The following IL22RA2 variants were observed in gnomAD, a reference collection of about 807,000 sequenced individuals.
The protein encoded by IL22RA2 is interleukin-22 receptor subunit alpha-2.
In IL22RA2, 39 loss-of-function variants were observed where a neutral mutation model predicts 30.7. That is an observed-to-expected ratio of 1.27 (90% CI 0.98 to 1.66). The LOEUF (loss-of-function observed/expected upper bound fraction) is 1.66, where lower values mean the gene tolerates loss of function less well. Ranked by LOEUF, IL22RA2 falls within the 40% of genes most tolerant of loss-of-function variation. IL22RA2 has a pLI of 0.00. For missense variants in IL22RA2, 315 were observed against 312.7 expected (o/e 1.01, Z -0.05); for synonymous variants, 103 against 105.0 (o/e 0.98, Z 0.11).
chr6:137,159,466 G>GC (rs915312320), intron 2 of IL22RA2, among the ~76,000 whole-genome samples: 2 of 152,022 alleles, frequency 1.3e-5, no homozygotes, highest in African/African-American at 4.8e-5. Flanking sequence ...GATTACAGGT[G>GC]CCCGCCACCA....
intron 4 of IL22RA2, 67 bp from the exon 5 acceptor site, chr6:137,155,186 G>T: frequency 8.2e-7 from 1 of 1,217,372 alleles, no homozygotes; most frequent in Non-Finnish European, 1.1e-6. Flanking sequence ...AGTATTTTCA[G>T]ACTAATAATT....
At chr6:137,147,083 C>T (rs1778194035) in intron 6 of IL22RA2, among the ~76,000 whole-genome samples, 1 of 147,402 alleles carries the variant, frequency 6.8e-6, no homozygotes, top group Non-Finnish European at 1.5e-5. Flanking sequence ...GGGGAGGTGG[C>T]TTATGCCTGC....
chr6:137,157,036 G>A (rs1412000680), intron 3 of IL22RA2, among the ~76,000 whole-genome samples, 182 bp from the exon 4 acceptor site: 1 of 152,040 alleles, frequency 6.6e-6, no homozygotes, highest in East Asian at 1.9e-4. Flanking sequence ...CCATCCCCAT[G>A]ACCCAAACAC....
chr6:137,156,909 CAT>C, intron 3 of IL22RA2, 55 bp from the exon 4 acceptor site: 1 of 1,576,286 alleles, frequency 6.3e-7, no homozygotes, highest in South Asian at 1.1e-5. Flanking sequence ...ACTCAAGGGG[CAT>C]CCTGGCTTTA....
chr6:137,162,918 G>C (rs1004333532), intron 1 of IL22RA2, among the ~76,000 whole-genome samples: 1 of 152,156 alleles, frequency 6.6e-6, no homozygotes, highest in Admixed American at 6.5e-5. Flanking sequence ...TAACCTAATA[G>C]TAGTAGTAGT....
chr6:137,147,949 G>T, intron 5 of IL22RA2, 58 bp from the exon 6 acceptor site: 1 of 1,435,522 alleles, frequency 7.0e-7, no homozygotes, highest in South Asian at 1.2e-5. Context: ...ATATACAGAC[G>T]CATTATGTAT....
chr6:137,150,671 A>T (rs1204315884), intron 5 of IL22RA2, among the ~76,000 whole-genome samples: 1 of 152,032 alleles, frequency 6.6e-6, no homozygotes, highest in Non-Finnish European at 1.5e-5. Context: ...AGTAAATTTG[A>T]ATGTGACCCT....
rs1458688195 is a variant in IL22RA2, at chr6:137,173,620, G to A, written c.-273C>T. 6.6e-6 allele frequency: 1 copy of A among 152,156 alleles called. No individual in the cohort carries two copies. The highest frequency in any genetic ancestry group is 1.9e-4 in the East Asian group (1 of 5,188). 9.4% of individuals were successfully genotyped at this position (152,156 alleles called of 1,614,324 possible). A position where few individuals can be genotyped will look rare whatever the true frequency, so the allele number is the denominator to read the frequency against. ...AGAGAGGTGGAGAGAACTTGACCAG[G>A]GCTCTATAGCGAGTAGTGGTAAAGT... On this transcript the variant is annotated 5_prime_UTR_variant, in exon 1 of 7. Transcript: ENST00000296980.
chr6:137,154,792 C>G, intron 5 of IL22RA2, 149 bp downstream of exon 5: 2 of 626,296 alleles, frequency 3.2e-6, no homozygotes, highest in Non-Finnish European at 5.6e-6. Context: ...ATAATAAAAG[C>G]TATCTCCTAG....
chr6:137,166,181 C>G (rs1778621790), intron 1 of IL22RA2, among the ~76,000 whole-genome samples: 1 of 152,218 alleles, frequency 6.6e-6, no homozygotes, highest in Non-Finnish European at 1.5e-5. Context: ...GCTGGATATG[C>G]AGTGGTAACA....
chr6:137,147,470 G>A (rs887905029), intron 6 of IL22RA2, among the ~76,000 whole-genome samples: 14 of 151,878 alleles, frequency 9.2e-5, no homozygotes, highest in Non-Finnish European at 2.1e-4. Context: ...AATTAAATAC[G>A]GTTAATACCA....
At position 137,161,680 on chromosome 6, in the gene IL22RA2, A is replaced by G; in HGVS notation, c.61+9T>C. On this transcript the variant is annotated intron_variant, in intron 2 of 6. Transcript: ENST00000296980. ...GCTATGAGCAATTAAAAAGAAACAA[A>G]GCACTTACCTGCTACACCAGTAAGG... 2 of 1,610,084 alleles carry G rather than the reference A, an allele frequency of 1.2e-6. No individual in the cohort carries two copies. Among genetic ancestry groups the G allele is most frequent in the Admixed American group, 3.3e-5 (2 of 59,982 alleles).
chr6:137,146,402 T>A (rs982592417), intron 6 of IL22RA2, among the ~76,000 whole-genome samples: 1 of 152,114 alleles, frequency 6.6e-6, no homozygotes, highest in Non-Finnish European at 1.5e-5. Flanking sequence ...ACTGCAGGCA[T>A]GAAACTGTGG....
intron 4 of IL22RA2, among the ~76,000 whole-genome samples, chr6:137,155,352 ATTTC>A (rs1778382008): frequency 6.6e-6 from 1 of 152,010 alleles, no homozygotes; most frequent in Admixed American, 6.5e-5. Flanking sequence ...AAAGGAATTT[ATTTC>A]TTACAGTTTT....
intron 1 of IL22RA2, 118 bp from the exon 2 acceptor site, chr6:137,161,932 G>A: frequency 2.0e-6 from 1 of 505,176 alleles, no homozygotes; most frequent in South Asian, 3.3e-5. Flanking sequence ...AAATATGAAA[G>A]TATAAAAATC....
chr6:137,171,238 C>T (rs185080097), intron 1 of IL22RA2, among the ~76,000 whole-genome samples: 8 of 152,360 alleles, frequency 5.3e-5, no homozygotes, highest in Admixed American at 5.2e-4. Flanking sequence ...TTGCCCCTGC[C>T]TTCCTTAAGC....
At chr6:137,162,742 G>A (rs1778547016) in intron 1 of IL22RA2, among the ~76,000 whole-genome samples, 1 of 152,130 alleles carries the variant, frequency 6.6e-6, no homozygotes, top group Non-Finnish European at 1.5e-5. Flanking sequence ...CAAGGAAGCT[G>A]AGAGGTCAAA....
intron 1 of IL22RA2, among the ~76,000 whole-genome samples, chr6:137,172,755 G>C (rs1778769247): frequency 6.6e-6 from 1 of 152,190 alleles, no homozygotes; most frequent in African/African-American, 2.4e-5. Context: ...GTCTTGAACA[G>C]ATTTGATTCT....
Position 137,145,641 on chromosome 6 carries a change from A to G in IL22RA2, c.775T>C (p.Cys259Arg), listed in dbSNP as rs372536538. The G allele has an allele frequency of 5.0e-5, 81 of 1,608,410 alleles. No individual in the cohort carries two copies. In the African/African-American group the frequency reaches 8.7e-4, roughly 17 times the overall value. ...TCCACAAGTCATGGAATTTCCACAC[A>G]TCTCTCTTCACTTCTCTGACTTCTT... is the stretch of plus-strand genomic sequence containing the variant. Reference protein sequence around the residue: ...DRRSQRSEERCVEIP With the variant: ...DRRSQRSEERRVEIP The change falls in exon 7 of 7, where the codon TGT (cysteine) becomes CGT (arginine). Residue 259 changes from cysteine to arginine, a missense_variant. By Grantham distance (180) the Cys-to-Arg change is radical. Transcript: ENST00000296980.
Sources: gnomAD v4.1 joint callset for allele counts (sites outside exome capture counted in the v4.1 genomes callset) on GRCh38, gnomAD v4.1.1 for gene constraint, MANE v1.5 for transcripts, NCBI Gene and HGNC (gene_info 2026-07-23, HGNC 2026-07-21) for gene names.